Variants in PTPRD observed in about 807,000 individuals in gnomAD.
PTPRD encodes protein tyrosine phosphatase receptor type D.
A neutral mutation model predicts 214.5 loss-of-function variants in PTPRD; 34 were observed. The ratio of observed to expected loss-of-function variants is 0.16; its 90% CI spans 0.12 to 0.21. PTPRD has a LOEUF of 0.21. PTPRD is among the 10% of genes least tolerant of loss of function. The probability of loss-of-function intolerance (pLI) is 1.00; values close to 1 mark genes in which losing one functional copy is unlikely to be tolerated. For missense variants in PTPRD, 2,545 were observed against 2,398.7 expected (o/e 1.06, Z -1.27); for synonymous variants, 1,128 against 845.7 (o/e 1.33, Z -5.79).
chr9:8,739,767 T>A (rs1212506522), intron 11 of PTPRD, among the ~76,000 whole-genome samples: 1 of 152,200 alleles, frequency 6.6e-6, no homozygotes, highest in South Asian at 2.1e-4. Context: ...TCATGTGTTA[T>A]GGGAGGGACC....
rs148171360 is a variant in PTPRD, at chr9:10,033,101, G to C, written c.-472+617C>G. Reference sequence around the variant, plus strand: ...CATGTAAGTGTGTGTGTGTATGAGTGTGTTTCTGTACATGTACCTACAGAA... The same window carrying C: ...CATGTAAGTGTGTGTGTGTATGAGTCTGTTTCTGTACATGTACCTACAGAA... On this transcript the variant is annotated intron_variant, in intron 4 of 45. Coordinates refer to ENST00000381196, the MANE Select transcript of PTPRD (RefSeq NM_002839.4). Among the ~76,000 whole-genome samples the C allele has an allele frequency of 3.1e-3, 463 of 150,898 alleles. 2 individuals carry two copies. Among genetic ancestry groups the C allele is most frequent in the Admixed American group, 5.5e-3 (83 of 15,188 alleles).
At chr9:9,993,592 CA>C (rs1445983961) in intron 4 of PTPRD, among the ~76,000 whole-genome samples, 4 of 151,988 alleles carry the variant, frequency 2.6e-5, no homozygotes, top group Non-Finnish European at 5.9e-5. Context: ...AATTTAGAAA[CA>C]AAAAATTGCT....
chr9:9,461,620 T>C (rs2093662152), intron 8 of PTPRD, among the ~76,000 whole-genome samples: 1 of 152,084 alleles, frequency 6.6e-6, no homozygotes, highest in Admixed American at 6.6e-5. Flanking sequence ...TTCAGGAAAA[T>C]GCCCATATAC....
At chr9:10,446,995 C>T (rs1257121211) in intron 2 of PTPRD, among the ~76,000 whole-genome samples, 1 of 152,136 alleles carries the variant, frequency 6.6e-6, no homozygotes, top group East Asian at 1.9e-4. Context: ...CCCAAATATA[C>T]TCTGATAAAC....
At chr9:10,091,753 A>G (rs2154199032) in intron 3 of PTPRD, among the ~76,000 whole-genome samples, 1 of 143,012 alleles carries the variant, frequency 7.0e-6, no homozygotes, top group East Asian at 2.1e-4. Context: ...AAATCCATAT[A>G]TTCTTCATAA....
intron 7 of PTPRD, among the ~76,000 whole-genome samples, chr9:9,617,996 C>T (rs913957373): frequency 7.1e-6 from 1 of 140,948 alleles, no homozygotes; most frequent in Non-Finnish European, 1.5e-5. Context: ...GGCGTGAACC[C>T]GGGAGGCGGA....
chr9:8,598,580 C>T (rs1489423581), intron 14 of PTPRD, among the ~76,000 whole-genome samples: 1 of 152,088 alleles, frequency 6.6e-6, no homozygotes, highest in Non-Finnish European at 1.5e-5. Flanking sequence ...ATTTTTGACC[C>T]TTAGAAAACA....
chr9:9,696,647 A>G (rs1424601886), intron 7 of PTPRD, among the ~76,000 whole-genome samples: 2 of 152,220 alleles, frequency 1.3e-5, no homozygotes, highest in East Asian at 3.9e-4. Flanking sequence ...TTCCATTTGC[A>G]TAAACTATCT....
At chr9:8,761,799 G>T (rs1171405567) in intron 11 of PTPRD, among the ~76,000 whole-genome samples, 1 of 152,038 alleles carries the variant, frequency 6.6e-6, no homozygotes, top group East Asian at 1.9e-4. Flanking sequence ...CATTTTAAAG[G>T]TCACTAAATT....
At chr9:9,445,240 C>A (rs1333409615) in intron 8 of PTPRD, among the ~76,000 whole-genome samples, 1 of 152,132 alleles carries the variant, frequency 6.6e-6, no homozygotes, top group Non-Finnish European at 1.5e-5. Flanking sequence ...AGCAATCATG[C>A]CTCTTACCTA....
At chr9:9,903,169 A>T (rs577480757) in intron 5 of PTPRD, among the ~76,000 whole-genome samples, 5 of 152,152 alleles carry the variant, frequency 3.3e-5, no homozygotes, top group African/African-American at 7.2e-5. Context: ...TCTTCCAATG[A>T]TTATATATCT....
intron 8 of PTPRD, among the ~76,000 whole-genome samples, chr9:9,566,928 C>T (rs74557119): frequency 0.018 from 2,702 of 152,110 alleles, 45 homozygotes; most frequent in Admixed American, 0.025. Context: ...ACAGAGTAAA[C>T]CTTACCTTAT....
intron 7 of PTPRD, among the ~76,000 whole-genome samples, chr9:9,600,111 C>A (rs967856941): frequency 3.3e-5 from 5 of 151,850 alleles, no homozygotes; most frequent in Non-Finnish European, 7.4e-5. Flanking sequence ...TTTATGTGTG[C>A]GGTATACACC....
At chr9:8,614,628 A>G (rs2095551971) in intron 14 of PTPRD, among the ~76,000 whole-genome samples, 1 of 152,136 alleles carries the variant, frequency 6.6e-6, no homozygotes, top group African/African-American at 2.4e-5. Context: ...AAAGATAACT[A>G]CTACAAAGGA....
At chr9:8,813,624 C>T (rs562113331) in intron 11 of PTPRD, among the ~76,000 whole-genome samples, 1 of 152,170 alleles carries the variant, frequency 6.6e-6, no homozygotes, top group Admixed American at 6.5e-5. Flanking sequence ...CCTCCCGCCT[C>T]GGCCTCCTGC....
chr9:9,249,899 A>G (rs893862349), intron 9 of PTPRD, among the ~76,000 whole-genome samples: 1 of 152,112 alleles, frequency 6.6e-6, no homozygotes, highest in African/African-American at 2.4e-5. Flanking sequence ...AGTTCTTTAG[A>G]ATTCAAAACA....
In PTPRD at chr9:10,130,112, T is replaced by C. The variant is rs191085633; in HGVS notation, c.-544-96322A>G. On this transcript the variant is annotated intron_variant, in intron 3 of 45. Transcript: ENST00000381196. ...ACACCCTCAATGGCTCCCATTCCTC[T>C]TGTATAAATGTAAACTTTTTAGACT... Among the ~76,000 whole-genome samples the C allele has an allele frequency of 1.1e-4, 17 of 152,184 alleles. No homozygotes were observed. The East Asian group carries it at 2.7e-3, about 24-fold the overall frequency.
chr9:10,569,762 T>C (rs1271296218), intron 2 of PTPRD, among the ~76,000 whole-genome samples: 1 of 152,112 alleles, frequency 6.6e-6, no homozygotes, highest in African/African-American at 2.4e-5. Context: ...GTGACCACAA[T>C]TCAATAGGTA....
At position 9,013,326 on chromosome 9, in the gene PTPRD, T is replaced by C. The variant is rs148960191; in HGVS notation, c.-104+5371A>G. On this transcript the variant is annotated intron_variant, in intron 11 of 45. Coordinates refer to ENST00000381196, the MANE Select transcript of PTPRD (RefSeq NM_002839.4). The stretch of plus-strand genomic sequence containing the variant: ...GGGCAAAATAAATGCGCCATGGGAG[T>C]GCCCCCAGAATGCTGCACTGACATT... 2.9e-3 allele frequency among the ~76,000 whole-genome samples: 448 copies of C among 151,972 alleles called. 2 individuals carry two copies. Among genetic ancestry groups the C allele is most frequent in the African/African-American group, 0.01 (424 of 41,458 alleles).
Sources: gnomAD v4.1 joint callset for allele counts (sites outside exome capture counted in the v4.1 genomes callset) on GRCh38, gnomAD v4.1.1 for gene constraint, MANE v1.5 for transcripts, NCBI Gene and HGNC (gene_info 2026-07-23, HGNC 2026-07-21) for gene names.